The following RCSD1 variants were observed in gnomAD, a reference collection of about 807,000 sequenced individuals.
The protein encoded by RCSD1 is RCSD domain containing 1, also known as capZ-interacting protein.
In RCSD1, 26 loss-of-function variants were observed where a neutral mutation model predicts 42.5. The ratio of observed to expected loss-of-function variants is 0.61; its 90% CI spans 0.45 to 0.85. The LOEUF (loss-of-function observed/expected upper bound fraction) is 0.85, where lower values mean the gene tolerates loss of function less well. RCSD1 is among the 40% of genes least tolerant of loss of function. RCSD1 has a pLI of 0.00. For synonymous variants in RCSD1, 220 were observed against 212.2 expected (o/e 1.04, Z -0.32); for missense variants, 571 against 528.3 (o/e 1.08, Z -0.79).
chr1:167,691,109 T>G (rs1417126003), intron 4 of RCSD1, among the ~76,000 whole-genome samples: 1 of 152,222 alleles, frequency 6.6e-6, no homozygotes, highest in Non-Finnish European at 1.5e-5. Flanking sequence ...TTACTCGAGC[T>G]GGATAGTGTT....
chr1:167,660,470 GTTTT>G (rs1043323590), intron 1 of RCSD1, among the ~76,000 whole-genome samples: 1 of 140,956 alleles, frequency 7.1e-6, no homozygotes, highest in African/African-American at 2.9e-5. Flanking sequence ...TTAATTCACT[GTTTT>G]GTTTTTTTTT....
At chr1:167,676,436 G>T (rs950714049) in intron 1 of RCSD1, among the ~76,000 whole-genome samples, 1 of 152,222 alleles carries the variant, frequency 6.6e-6, no homozygotes, top group East Asian at 1.9e-4. Flanking sequence ...AGGAAACTGA[G>T]ACTCAGAGAG....
At position 167,696,052 on chromosome 1, in the gene RCSD1, G is replaced by C. The variant is rs182298127; in HGVS notation, c.475-1047G>C. Among the ~76,000 whole-genome samples, 73 of 152,232 alleles carry C rather than the reference G, an allele frequency of 4.8e-4. No individual in the cohort carries two copies. The South Asian group carries it at 0.01, about 22-fold the overall frequency. On this transcript the variant is annotated intron_variant, in intron 5 of 6. Transcript: ENST00000367854. ...GAAGCAAAGGAATCTGGCTGCTCAGGTTTCCCAGTATCCGCCAACTTCACG... is the reference window on the plus strand; with the variant it reads ...GAAGCAAAGGAATCTGGCTGCTCAGCTTTCCCAGTATCCGCCAACTTCACG...
At chr1:167,689,122 C>T (rs1025374120) in intron 3 of RCSD1, among the ~76,000 whole-genome samples, 1 of 152,162 alleles carries the variant, frequency 6.6e-6, no homozygotes, top group East Asian at 1.9e-4. Flanking sequence ...GAGACTGAAT[C>T]ATGCTCATCT....
chr1:167,665,176 G>A (rs932463638), intron 1 of RCSD1: 3 of 152,072 alleles, frequency 2.0e-5, no homozygotes, highest in African/African-American at 7.2e-5. Flanking sequence ...TGTTATTATA[G>A]TTTTGCCTTT....
At position 167,694,245 on chromosome 1, in the gene RCSD1, G is replaced by A. The variant is rs148622069; in HGVS notation, c.417G>A (p.Glu139=). ...GVRSRPSEAE[E]VPVSFDQPPE... is the part of the protein sequence containing the mutation. ...GATCTAGGCCCAGCGAGGCAGAGGA[G>A]GTGCCTGTCAGCTTCGACCAGCCCC... Residue 139 remains glutamate, a synonymous_variant, in exon 5 of 7, where the codon GAG becomes GAA. Transcript: ENST00000367854. The A allele has an allele frequency of 6.5e-5, 105 of 1,614,072 alleles. No individual in the cohort carries two copies. The highest frequency in any genetic ancestry group is 2.1e-4 in the South Asian group (19 of 91,084).
chr1:167,643,745 G>T (rs1462146547), intron 1 of RCSD1, among the ~76,000 whole-genome samples: 1 of 152,252 alleles, frequency 6.6e-6, no homozygotes, highest in Non-Finnish European at 1.5e-5. Context: ...ACACCTACCT[G>T]CTAGGGTTGT....
chr1:167,635,020 C>T (rs1242991319), intron 1 of RCSD1, among the ~76,000 whole-genome samples: 1 of 151,346 alleles, frequency 6.6e-6, no homozygotes, highest in African/African-American at 2.4e-5. Context: ...CTTTTTCATC[C>T]ATATCTTTTT....
In RCSD1 at chr1:167,691,490, G is replaced by A. The variant is rs1188188049; in HGVS notation, c.270+1370G>A. Among the ~76,000 whole-genome samples the A allele has an allele frequency of 5.3e-5, 8 of 152,348 alleles. No individual in the cohort carries two copies. In the East Asian group the frequency reaches 1.5e-3, roughly 29 times the overall value. ...ATGTTATGTCCAGGTGGGGGCTGTA[G>A]GAGAGGTTCCTGTTCTCACCCCACC... On this transcript the variant is annotated intron_variant, in intron 4 of 6. Transcript: ENST00000367854.
chr1:167,696,290 T>C (rs1156867936), intron 5 of RCSD1, among the ~76,000 whole-genome samples: 1 of 152,094 alleles, frequency 6.6e-6, no homozygotes, highest in Non-Finnish European at 1.5e-5. Flanking sequence ...GTTATCTTTT[T>C]TACTGGATAG....
intron 1 of RCSD1, among the ~76,000 whole-genome samples, chr1:167,644,347 T>C (rs113576476): frequency 0.014 from 2,107 of 152,118 alleles, 37 homozygotes; most frequent in African/African-American, 0.048. Flanking sequence ...GGTGTGGTGG[T>C]GTGCGCCTAT....
intron 1 of RCSD1, among the ~76,000 whole-genome samples, chr1:167,636,491 C>T (rs550178794): frequency 8.5e-4 from 129 of 152,296 alleles, no homozygotes; most frequent in Non-Finnish European, 7.4e-4. Flanking sequence ...CTCCTGGCCT[C>T]GAGGTAGCAA....
At chr1:167,632,263 C>G (rs1389471893) in intron 1 of RCSD1, among the ~76,000 whole-genome samples, 2 of 152,182 alleles carry the variant, frequency 1.3e-5, no homozygotes, top group Non-Finnish European at 2.9e-5. Context: ...CTGCCTTAGG[C>G]CCCAGGCTGC....
intron 1 of RCSD1, among the ~76,000 whole-genome samples, chr1:167,632,145 A>G (rs1289417469): frequency 1.3e-5 from 2 of 152,364 alleles, no homozygotes; most frequent in East Asian, 3.9e-4. Flanking sequence ...CCACTGCTTC[A>G]GGGCAGAGGA....
rs1204773834 is a variant in RCSD1, at chr1:167,707,651, TTTTTCTCTTC to T, written c.*2970_*2979del. Among the ~76,000 whole-genome samples, 3 of 146,980 alleles carry T rather than the reference TTTTTCTCTTC, an allele frequency of 2.0e-5. No homozygotes were observed. Among genetic ancestry groups the T allele is most frequent in the Admixed American group, 6.8e-5 (1 of 14,716 alleles). ...AATAGTTGCAGCCAAGGCTGTCTCT[TTTTTCTCTTC>T]TTTTCTCTTCTTTTTTTTTGAATGA... is the stretch of plus-strand genomic sequence containing the variant. On this transcript the variant is annotated 3_prime_UTR_variant, in exon 7 of 7. Transcript: ENST00000367854.
At chr1:167,644,334 C>T (rs547439320) in intron 1 of RCSD1, among the ~76,000 whole-genome samples, 1 of 152,164 alleles carries the variant, frequency 6.6e-6, no homozygotes, top group South Asian at 2.1e-4. Context: ...ACAAAATTAG[C>T]TGGGTGTGGT....
At chr1:167,630,474 G>A in intron 1 of RCSD1, 45 bp downstream of exon 1, 2 of 1,509,722 alleles carry the variant, frequency 1.3e-6, no homozygotes, top group Non-Finnish European at 1.8e-6. Context: ...GGTGAGCGGT[G>A]TATCGGGCGC....
chr1:167,650,095 G>A (rs912224084), intron 1 of RCSD1, among the ~76,000 whole-genome samples: 2 of 152,182 alleles, frequency 1.3e-5, no homozygotes, highest in Admixed American at 1.3e-4. Context: ...AGATTTGGGG[G>A]CCTCACCGGA....
At chr1:167,689,928 CTAA>C (rs1659334776) in intron 3 of RCSD1, 118 bp from the exon 4 acceptor site, 7 of 884,782 alleles carry the variant, frequency 7.9e-6, no homozygotes, top group Non-Finnish European at 1.3e-5. Flanking sequence ...GGCTACTGAA[CTAA>C]TGAGAAAGTG....
Sources: allele counts gnomAD v4.1 joint callset (sites outside exome capture counted in the v4.1 genomes callset), GRCh38; gene constraint gnomAD v4.1.1; transcripts MANE v1.5; gene names NCBI Gene and HGNC (gene_info 2026-07-23, HGNC 2026-07-21).